The following CYB5A variants were observed in gnomAD, a reference collection of about 807,000 sequenced individuals.
CYB5A encodes cytochrome b5 type A.
Under a neutral mutation model 16.2 loss-of-function variants are expected in CYB5A, and 10 were observed. The ratio of observed to expected loss-of-function variants is 0.62; its 90% CI spans 0.38 to 1.04. CYB5A has a LOEUF of 1.04. CYB5A is among the 50% of genes least tolerant of loss of function. CYB5A has a pLI of 0.01. For synonymous variants in CYB5A, 62 were observed against 57.0 expected, an observed-to-expected ratio of 1.09 and a Z score of -0.40; for missense variants, 161 against 165.9, an observed-to-expected ratio of 0.97 and a Z score of 0.16.
intron 1 of CYB5A, among the ~76,000 whole-genome samples, chr18:74,266,850 AAC>A (rs10555041): frequency 0.65 from 94,255 of 146,082 alleles, 30,652 homozygotes; most frequent in Middle Eastern, 0.75. Context: ...AAAAAAAAAA[AAC>A]ATAGCTTAGA....
chr18:74,286,611 A>ACTTG (rs1286462677), intron 1 of CYB5A, among the ~76,000 whole-genome samples: 5 of 152,182 alleles, frequency 3.3e-5, no homozygotes, highest in African/African-American at 9.7e-5. Flanking sequence ...GAAATACCTG[A>ACTTG]CTTGCCCAAG....
intron 1 of CYB5A, among the ~76,000 whole-genome samples, chr18:74,287,051 G>A (rs1216017340): frequency 1.3e-5 from 2 of 152,100 alleles, no homozygotes; most frequent in East Asian, 1.9e-4. Context: ...CATTCCCCAG[G>A]TGGCCTTCTA....
intron 1 of CYB5A, among the ~76,000 whole-genome samples, chr18:74,285,339 G>C (rs981339949): frequency 9.9e-5 from 15 of 152,204 alleles, no homozygotes; most frequent in African/African-American, 3.6e-4. Context: ...GATGCTTTGA[G>C]CCTTCAGACA....
In CYB5A at chr18:74,251,586, G is replaced by A. The variant is rs997919119; in HGVS notation, c.*1998C>T. 6.6e-6 allele frequency: 1 copy of A among 152,136 alleles called. No individual in the cohort carries two copies. Among genetic ancestry groups the A allele is most frequent in the Non-Finnish European group, 1.5e-5 (1 of 68,042 alleles). 9.4% of individuals were successfully genotyped at this position (152,136 alleles called of 1,614,324 possible). A position where few individuals can be genotyped will look rare whatever the true frequency, so the allele number is the denominator to read the frequency against. ...TTGAGTTTTCCTTAGTGATTCTGGG[G>A]GCCCAAGATGTTTTCCTTTCACAAG... On this transcript the variant is annotated 3_prime_UTR_variant, in exon 5 of 5. Coordinates refer to ENST00000340533, the MANE Select transcript of CYB5A (RefSeq NM_148923.4).
At chr18:74,283,431 G>A (rs867698321) in intron 1 of CYB5A, among the ~76,000 whole-genome samples, 9 of 152,144 alleles carry the variant, frequency 5.9e-5, no homozygotes, top group Non-Finnish European at 1.3e-4. Context: ...CTGAGGCCGT[G>A]AAGACTCCAC....
At chr18:74,267,490 T>C (rs1277697558) in intron 1 of CYB5A, among the ~76,000 whole-genome samples, 1 of 152,150 alleles carries the variant, frequency 6.6e-6, no homozygotes, top group Non-Finnish European at 1.5e-5. Flanking sequence ...CTGTCAGCAT[T>C]CCGAAGAGAC....
At chr18:74,279,993 T>C (rs1055613125) in intron 1 of CYB5A, among the ~76,000 whole-genome samples, 2 of 152,018 alleles carry the variant, frequency 1.3e-5, no homozygotes, top group African/African-American at 2.4e-5. Flanking sequence ...AATAAATGAG[T>C]ACATTATACC....
chr18:74,288,310 C>G (rs1258839683), intron 1 of CYB5A, among the ~76,000 whole-genome samples: 1 of 152,168 alleles, frequency 6.6e-6, no homozygotes, highest in Non-Finnish European at 1.5e-5. Context: ...GCACATAAAT[C>G]TAGGACATTC....
chr18:74,272,761 A>C (rs1038065889), intron 1 of CYB5A, among the ~76,000 whole-genome samples: 1 of 152,134 alleles, frequency 6.6e-6, no homozygotes, highest in African/African-American at 2.4e-5. Context: ...CTCTACTAAA[A>C]ATACAAAAAT....
At chr18:74,263,840 G>A (rs1982316747) in intron 1 of CYB5A, among the ~76,000 whole-genome samples, 1 of 152,034 alleles carries the variant, frequency 6.6e-6, no homozygotes, top group South Asian at 2.1e-4. Context: ...CAAGCTCAAG[G>A]GGCTGAGGCT....
intron 4 of CYB5A, among the ~76,000 whole-genome samples, chr18:74,254,236 T>C (rs1430963805): frequency 6.6e-6 from 1 of 152,050 alleles, no homozygotes; most frequent in Admixed American, 6.5e-5. Context: ...AGCTGTAAAG[T>C]TGAAGAGTAT....
chr18:74,256,720 G>A, intron 3 of CYB5A: 7 of 960,688 alleles, frequency 7.3e-6, no homozygotes, highest in Admixed American at 4.0e-5. Flanking sequence ...AACAATCAGC[G>A]GCCTGCAGTA....
At chr18:74,286,532 A>G (rs560725141) in intron 1 of CYB5A, among the ~76,000 whole-genome samples, 1 of 152,240 alleles carries the variant, frequency 6.6e-6, no homozygotes, top group Non-Finnish European at 1.5e-5. Context: ...TCTCACATAT[A>G]TCATTTCTCC....
At chr18:74,259,902 T>C (rs1270049935) in intron 3 of CYB5A, 1 of 151,936 alleles carries the variant, frequency 6.6e-6, no homozygotes, top group Non-Finnish European at 1.5e-5. Flanking sequence ...AGTACTCATA[T>C]CATTCACATT....
chr18:74,259,427 A>C (rs905949655), intron 3 of CYB5A: 2 of 152,246 alleles, frequency 1.3e-5, no homozygotes, highest in African/African-American at 4.8e-5. Context: ...AGAACAATAA[A>C]TAGTAATGGG....
intron 1 of CYB5A, among the ~76,000 whole-genome samples, chr18:74,288,137 CT>C (rs1204473396): frequency 6.6e-6 from 1 of 152,240 alleles, no homozygotes; most frequent in African/African-American, 2.4e-5. Flanking sequence ...GTTTCTACCC[CT>C]CCGCCTAAAC....
intron 1 of CYB5A, among the ~76,000 whole-genome samples, chr18:74,273,846 C>T (rs1012403425): frequency 6.6e-6 from 1 of 152,194 alleles, no homozygotes; most frequent in Admixed American, 6.5e-5. Context: ...GACACGTGGC[C>T]CACTTAATAC....
intron 1 of CYB5A, among the ~76,000 whole-genome samples, chr18:74,267,118 CTT>C (rs1394068337): frequency 6.6e-6 from 1 of 151,786 alleles, no homozygotes; most frequent in Non-Finnish European, 1.5e-5. Context: ...TCTTCTCACT[CTT>C]GTTAGTAAAT....
intron 1 of CYB5A, among the ~76,000 whole-genome samples, chr18:74,287,883 A>C (rs1441465475): frequency 6.6e-6 from 1 of 152,130 alleles, no homozygotes; most frequent in Non-Finnish European, 1.5e-5. Flanking sequence ...AAATGCAAAC[A>C]TTTCTCCCCC....
Sources: gnomAD v4.1 joint callset for allele counts (sites outside exome capture counted in the v4.1 genomes callset) on GRCh38, gnomAD v4.1.1 for gene constraint, MANE v1.5 for transcripts, NCBI Gene and HGNC (gene_info 2026-07-23, HGNC 2026-07-21) for gene names.